Variants in MCTP2 observed in about 807,000 individuals in gnomAD.
MCTP2 encodes multiple C2 and transmembrane domain containing 2.
In MCTP2, 132 loss-of-function variants were observed where a neutral mutation model predicts 111.6. The ratio of observed to expected loss-of-function variants is 1.18; its 90% confidence interval spans 1.03 to 1.37. The LOEUF is 1.37. Among genes scored for constraint, MCTP2 ranks in the 40% most tolerant of loss-of-function variants. MCTP2 has a pLI of 0.00. For missense variants in MCTP2, 1,183 were observed against 1,067.9 expected, an observed-to-expected ratio of 1.11 and a Z score of -1.50; for synonymous variants, 395 against 387.7, an observed-to-expected ratio of 1.02 and a Z score of -0.22.
chr15:94,357,695 A>G (rs2078706063), intron 9 of MCTP2, among the ~76,000 whole-genome samples: 2 of 152,168 alleles, frequency 1.3e-5, no homozygotes, highest in South Asian at 4.1e-4. Context: ...TTCTGATGCA[A>G]GAATAGTTAG....
intron 1 of MCTP2, among the ~76,000 whole-genome samples, chr15:94,270,061 C>T (rs144060534): frequency 1.8e-3 from 278 of 152,204 alleles, no homozygotes; most frequent in African/African-American, 6.6e-3. Flanking sequence ...AGCTAGTGGA[C>T]GTTATGTTCC....
At chr15:94,360,951 C>G (rs914180774) in intron 10 of MCTP2, among the ~76,000 whole-genome samples, 1 of 151,390 alleles carries the variant, frequency 6.6e-6, no homozygotes, top group African/African-American at 2.4e-5. Flanking sequence ...TACCCTGCCT[C>G]GAGCTTGCAG....
intron 17 of MCTP2, among the ~76,000 whole-genome samples, chr15:94,434,871 T>C (rs902154749): frequency 1.1e-5 from 1 of 91,968 alleles, no homozygotes; most frequent in Non-Finnish European, 2.4e-5. Context: ...TTTTTTTTCT[T>C]TTTTTTTTGA....
intron 1 of MCTP2, among the ~76,000 whole-genome samples, chr15:94,290,485 C>T (rs994793660): frequency 9.2e-5 from 14 of 151,774 alleles, no homozygotes; most frequent in South Asian, 8.3e-4. Context: ...TGAAGAAGGG[C>T]GGGAACAGAA....
chr15:94,256,666 C>A lies in MCTP2; in HGVS notation c.-66+25002C>A, dbSNP rs577207252. Reference sequence around the variant, plus strand: ...GCAAGAGACTTAGAGAAGTAAGGGACCTTTCTGAAAAGAAGCACAACTTGC... The same window carrying A: ...GCAAGAGACTTAGAGAAGTAAGGGAACTTTCTGAAAAGAAGCACAACTTGC... On this transcript the variant is annotated intron_variant, in intron 1 of 22. Transcript: ENST00000357742. 5.9e-5 allele frequency among the ~76,000 whole-genome samples: 9 copies of A among 152,274 alleles called. No individual in the cohort carries two copies. In the East Asian group the frequency reaches 1.7e-3, roughly 29 times the overall value.
chr15:94,311,581 T>G (rs1474916664), intron 2 of MCTP2, among the ~76,000 whole-genome samples: 1 of 152,164 alleles, frequency 6.6e-6, no homozygotes, highest in Admixed American at 6.5e-5. Flanking sequence ...TGGAACATTT[T>G]GCTGTTCTTT....
intron 14 of MCTP2, among the ~76,000 whole-genome samples, chr15:94,386,321 G>T (rs1196605842): frequency 6.6e-6 from 1 of 152,176 alleles, no homozygotes; most frequent in African/African-American, 2.4e-5. Context: ...CAGCCAATGA[G>T]ACTTTATTCT....
intron 14 of MCTP2, among the ~76,000 whole-genome samples, chr15:94,390,113 T>TATAC (rs1567603520): frequency 0.029 from 1,310 of 45,920 alleles, 68 homozygotes; most frequent in African/African-American, 0.031. Flanking sequence ...TATATATATA[T>TATAC]GTATATATAT....
chr15:94,267,721 C>G (rs1186144328), intron 1 of MCTP2, among the ~76,000 whole-genome samples: 1 of 152,058 alleles, frequency 6.6e-6, no homozygotes, highest in Non-Finnish European at 1.5e-5. Context: ...ATTCCGCTTT[C>G]TCCTCATCTT....
At chr15:94,451,993 G>A (rs375565208) in intron 19 of MCTP2, among the ~76,000 whole-genome samples, 2 of 152,246 alleles carry the variant, frequency 1.3e-5, no homozygotes, top group East Asian at 3.9e-4. Context: ...TCCAATCAGA[G>A]TAATGACAAT....
chr15:94,254,283 T>C (rs1390835363), intron 1 of MCTP2, among the ~76,000 whole-genome samples: 1 of 152,192 alleles, frequency 6.6e-6, no homozygotes, highest in East Asian at 1.9e-4. Context: ...ATGACTGCTT[T>C]GCCCAGAGTA....
intron 17 of MCTP2, among the ~76,000 whole-genome samples, chr15:94,421,220 T>A (rs574675211): frequency 1.2e-4 from 18 of 152,266 alleles, no homozygotes; most frequent in African/African-American, 4.3e-4. Context: ...TACACTGTAC[T>A]AGACTGTAGC....
At chr15:94,295,115 A>G (rs1201720257) in intron 1 of MCTP2, among the ~76,000 whole-genome samples, 1 of 151,360 alleles carries the variant, frequency 6.6e-6, no homozygotes, top group Non-Finnish European at 1.5e-5. Flanking sequence ...TACCTGGCTA[A>G]TTATTTATAT....
At chr15:94,327,184 A>G (rs2076923070) in intron 4 of MCTP2, among the ~76,000 whole-genome samples, 1 of 151,878 alleles carries the variant, frequency 6.6e-6, no homozygotes, top group Non-Finnish European at 1.5e-5. Flanking sequence ...ACACACATTC[A>G]CCTACATTTC....
At chr15:94,301,671 C>T (rs2075619342) in intron 2 of MCTP2, among the ~76,000 whole-genome samples, 1 of 152,132 alleles carries the variant, frequency 6.6e-6, no homozygotes, top group South Asian at 2.1e-4. Context: ...TGTGTTTTTC[C>T]TGTGAGTTTT....
intron 17 of MCTP2, among the ~76,000 whole-genome samples, chr15:94,438,277 A>T (rs2083587166): frequency 6.6e-6 from 1 of 152,148 alleles, no homozygotes; most frequent in South Asian, 2.1e-4. Flanking sequence ...ACTATTGGTT[A>T]AAATATTTGC....
At chr15:94,326,932 A>T (rs1290266030) in intron 4 of MCTP2, among the ~76,000 whole-genome samples, 2 of 150,376 alleles carry the variant, frequency 1.3e-5, no homozygotes, top group Admixed American at 1.3e-4. Context: ...TTTTTTCTTT[A>T]AATTGTTTTC....
intron 2 of MCTP2, among the ~76,000 whole-genome samples, chr15:94,311,644 G>T (rs2076148081): frequency 6.6e-6 from 1 of 152,120 alleles, no homozygotes; most frequent in Admixed American, 6.5e-5. Flanking sequence ...GACAGTTACG[G>T]TGGCTGTGGG....
At chr15:94,385,598 T>C (rs2080415826) in intron 14 of MCTP2, 73 bp downstream of exon 14, 5 of 1,048,412 alleles carry the variant, frequency 4.8e-6, no homozygotes, top group African/African-American at 1.6e-5. Context: ...CTAGAGTTGC[T>C]TTATCTTTGT....
Sources: gnomAD v4.1 joint callset for allele counts (sites outside exome capture counted in the v4.1 genomes callset) on GRCh38, gnomAD v4.1.1 for gene constraint, MANE v1.5 for transcripts, NCBI Gene and HGNC (gene_info 2026-07-23, HGNC 2026-07-21) for gene names.